The following GRIK4 variants were observed in gnomAD, a reference collection of about 807,000 sequenced individuals.
GRIK4 encodes glutamate ionotropic receptor kainate type subunit 4.
In GRIK4, 40 loss-of-function variants were observed where a neutral mutation model predicts 104.9. The observed-to-expected ratio is 0.38, with a 90% confidence interval of 0.30 to 0.50. GRIK4 has a LOEUF of 0.50. GRIK4 is among the 20% of genes least tolerant of loss of function. The probability of loss-of-function intolerance (pLI) is 0.93; values close to 1 mark genes in which losing one functional copy is unlikely to be tolerated. For missense variants in GRIK4, 1,047 were observed against 1,308.1 expected, an observed-to-expected ratio of 0.80 and a Z score of 3.08; for synonymous variants, 485 against 524.9, an observed-to-expected ratio of 0.92 and a Z score of 1.04.
chr11:120,910,587 A>G (rs1305362983), intron 13 of GRIK4, among the ~76,000 whole-genome samples: 3 of 152,254 alleles, frequency 2.0e-5, no homozygotes, highest in African/African-American at 7.2e-5. Context: ...GAGAGGAGAC[A>G]GACTGGAGTA....
At chr11:120,825,619 C>T (rs1187998442) in intron 6 of GRIK4, among the ~76,000 whole-genome samples, 4 of 152,202 alleles carry the variant, frequency 2.6e-5, no homozygotes, top group Non-Finnish European at 4.4e-5. Context: ...TCGAGGCAGT[C>T]CCTGCCCTTG....
chr11:120,709,914 C>T (rs7102869), intron 3 of GRIK4, among the ~76,000 whole-genome samples: 17,075 of 152,218 alleles, frequency 0.11, 1,089 homozygotes, highest in African/African-American at 0.15. Flanking sequence ...TTCCCACCTG[C>T]CACATTAATA....
Position 120,952,020 on chromosome 11 carries a change from C to CT in GRIK4, c.1591-834dup, listed in dbSNP as rs1441184455. On this transcript the variant is annotated intron_variant, in intron 14 of 20. Coordinates refer to ENST00000527524, the MANE Select transcript of GRIK4 (RefSeq NM_014619.5). This position sits in a 1 kb window ranked among gnomAD's most constrained non-coding sequence, Gnocchi z 5.2. ...TGGGAACTTGCCTGAGACCACACGGCTAAAGACTTGGAGCAGATGACTTAA... is the reference window on the plus strand; with the variant it reads ...TGGGAACTTGCCTGAGACCACACGGCTTAAAGACTTGGAGCAGATGACTTAA... Among the ~76,000 whole-genome samples the CT allele has an allele frequency of 6.6e-6, 1 of 152,194 alleles. No individual in the cohort carries two copies. The highest frequency in any genetic ancestry group is 1.9e-4 in the East Asian group (1 of 5,194).
At chr11:120,844,535 T>A (rs1024778744) in intron 8 of GRIK4, among the ~76,000 whole-genome samples, 1 of 152,216 alleles carries the variant, frequency 6.6e-6, no homozygotes, top group Admixed American at 6.5e-5. Context: ...TCTGGAGTTC[T>A]TGGGGTAGAA....
intron 3 of GRIK4, among the ~76,000 whole-genome samples, chr11:120,701,587 G>A (rs1412252411): frequency 1.3e-5 from 2 of 152,210 alleles, no homozygotes; most frequent in African/African-American, 2.4e-5. Flanking sequence ...GAACATAGGA[G>A]TGTGGATATA....
chr11:120,899,501 A>G (rs905537994), intron 12 of GRIK4, among the ~76,000 whole-genome samples: 1 of 151,562 alleles, frequency 6.6e-6, no homozygotes, highest in Non-Finnish European at 1.5e-5. Context: ...AGTAATTGCC[A>G]AGTTCACCCT....
At chr11:120,924,544 C>T (rs781536045) in intron 13 of GRIK4, among the ~76,000 whole-genome samples, 3 of 148,080 alleles carry the variant, frequency 2.0e-5, no homozygotes, top group Non-Finnish European at 4.4e-5. Context: ...AAGAAATATA[C>T]CCTTAGCGGC....
intron 3 of GRIK4, among the ~76,000 whole-genome samples, chr11:120,688,448 T>G (rs1950307411): frequency 6.6e-6 from 1 of 152,172 alleles, no homozygotes; most frequent in South Asian, 2.1e-4. Context: ...AGGCATTCCC[T>G]TGAGTGTCTG....
chr11:120,644,088 GTGTA>G (rs1423844522), intron 1 of GRIK4, among the ~76,000 whole-genome samples: 1 of 151,444 alleles, frequency 6.6e-6, no homozygotes, highest in Non-Finnish European at 1.5e-5. Context: ...GAGAAAGTGT[GTGTA>G]TGTGTGATTC....
chr11:120,660,325 CGCGTCTCG>C lies in GRIK4; in HGVS notation c.11_18del (p.Val4AlafsTer51). On this transcript the variant is annotated frameshift_variant, in exon 3 of 21. Coordinates refer to ENST00000527524, the MANE Select transcript of GRIK4 (RefSeq NM_014619.5). LOFTEE classifies it high-confidence loss of function. Reference sequence around the variant, plus strand: ...CCATGAGGATTCATAGAAGATGCCCCGCGTCTCGGCGCCTTTGGTGCTGCTTCCTGCGT... The same window carrying C: ...CCATGAGGATTCATAGAAGATGCCCCGCGCCTTTGGTGCTGCTTCCTGCGT... The C allele has an allele frequency of 6.2e-7, 1 of 1,612,452 alleles. No individual in the cohort carries two copies. Among genetic ancestry groups the C allele is most frequent in the Non-Finnish European group, 8.5e-7 (1 of 1,179,108 alleles).
chr11:120,698,884 A>G (rs558868745), intron 3 of GRIK4, among the ~76,000 whole-genome samples: 2 of 152,346 alleles, frequency 1.3e-5, no homozygotes, highest in East Asian at 3.9e-4. Context: ...GGTGCATTAG[A>G]TTAATCAGGA....
At chr11:120,755,865 T>C (rs1229165332) in intron 3 of GRIK4, among the ~76,000 whole-genome samples, 1 of 152,210 alleles carries the variant, frequency 6.6e-6, no homozygotes, top group African/African-American at 2.4e-5. Flanking sequence ...CATCTCATGA[T>C]AGCCTGGTAG....
intron 3 of GRIK4, among the ~76,000 whole-genome samples, chr11:120,740,206 C>T (rs528628472): frequency 4.2e-4 from 64 of 152,328 alleles, no homozygotes; most frequent in African/African-American, 1.5e-3. Context: ...CTGAGCCTGG[C>T]TGTACTCTAC....
At chr11:120,725,684 A>T (rs1206642302) in intron 3 of GRIK4, among the ~76,000 whole-genome samples, 1 of 152,080 alleles carries the variant, frequency 6.6e-6, no homozygotes, top group Non-Finnish European at 1.5e-5. Flanking sequence ...TTGAGGAATA[A>T]CTCAGATAAA....
chr11:120,772,781 A>T (rs1360579285), intron 3 of GRIK4, among the ~76,000 whole-genome samples: 2 of 151,944 alleles, frequency 1.3e-5, no homozygotes, highest in East Asian at 3.9e-4. Context: ...TGCTGGAAGG[A>T]TTGGCCTTAC....
At chr11:120,890,899 G>A (rs1244442418) in intron 11 of GRIK4, among the ~76,000 whole-genome samples, 3 of 152,208 alleles carry the variant, frequency 2.0e-5, no homozygotes, top group Non-Finnish European at 4.4e-5. Flanking sequence ...GGCCTCCCTA[G>A]AAGAAGCTGG....
intron 11 of GRIK4, among the ~76,000 whole-genome samples, chr11:120,884,595 ACT>A (rs1420250686): frequency 6.7e-6 from 1 of 149,910 alleles, no homozygotes; most frequent in Non-Finnish European, 1.5e-5. Flanking sequence ...TCCTTTTTCC[ACT>A]CTCTAATGTG....
At chr11:120,644,044 T>TGTGA (rs1446673011) in intron 1 of GRIK4, among the ~76,000 whole-genome samples, 15 of 112,724 alleles carry the variant, frequency 1.3e-4, no homozygotes, top group South Asian at 5.8e-4. Context: ...TGTGTGTGTG[T>TGTGA]GAGAGAGAGA....
Position 120,656,179 on chromosome 11 carries a change from A to C in GRIK4, c.-51+2387A>C, listed in dbSNP as rs148410743. ...AGATTTATCTGAATGTTAAGCTGAA[A>C]AGAAGACCCCAAATGTCTTTGTGTT... On this transcript the variant is annotated intron_variant, in intron 2 of 20. Transcript: ENST00000527524. Among the ~76,000 whole-genome samples, 325 of 152,346 alleles carry C rather than the reference A, an allele frequency of 2.1e-3. 3 individuals carry two copies. Among genetic ancestry groups the C allele is most frequent in the African/African-American group, 7.4e-3 (307 of 41,576 alleles).
Sources: gnomAD v4.1 joint callset for allele counts (sites outside exome capture counted in the v4.1 genomes callset) on GRCh38, gnomAD v4.1.1 for gene constraint, Gnocchi (gnomAD v3.1) non-coding constraint, MANE v1.5 for transcripts, NCBI Gene and HGNC (gene_info 2026-07-23, HGNC 2026-07-21) for gene names.